The following PLD5 variants were observed in gnomAD, a reference collection of about 807,000 sequenced individuals.
The protein encoded by PLD5 is phospholipase D family member 5, also known as inactive phospholipase D5.
Under a neutral mutation model 61.1 loss-of-function variants are expected in PLD5, and 36 were observed. The ratio of observed to expected loss-of-function variants is 0.59; its 90% CI spans 0.45 to 0.78. PLD5 has a LOEUF of 0.78. PLD5 is among the 30% of genes least tolerant of loss of function. PLD5 has a pLI of 0.00. For missense variants in PLD5, 515 were observed against 644.4 expected (o/e 0.80, Z 2.17); for synonymous variants, 243 against 242.8 (o/e 1.00, Z -0.01).
intron 4 of PLD5, among the ~76,000 whole-genome samples, chr1:242,263,630 T>C (rs1429417080): frequency 6.6e-6 from 1 of 152,106 alleles, no homozygotes; most frequent in Non-Finnish European, 1.5e-5. Context: ...TTTACTCCTA[T>C]GAAGGAAAAT....
At chr1:242,523,415 C>A (rs1367271324) in intron 1 of PLD5, among the ~76,000 whole-genome samples, 2 of 151,794 alleles carry the variant, frequency 1.3e-5, no homozygotes, top group Admixed American at 6.6e-5. Context: ...CGCGTGAAGT[C>A]GGCACTCCTT....
In PLD5 at chr1:242,191,606, G is replaced by A. The variant is rs531418029; in HGVS notation, c.735+28382C>T. Among the ~76,000 whole-genome samples, 403 of 152,034 alleles carry A rather than the reference G, an allele frequency of 2.7e-3. 4 individuals carry two copies. The highest frequency in any genetic ancestry group is 4.3e-3 in the Non-Finnish European group (290 of 67,956). ...GTCTCGAGAAAAAAGAAAGAAAAAC[G>A]AAGGAAAGAGGAAAAAACTCTGCAG... is the stretch of plus-strand genomic sequence containing the variant. On this transcript the variant is annotated intron_variant, in intron 5 of 9. Coordinates refer to ENST00000536534, the MANE Select transcript of PLD5 (RefSeq NM_001372062.1).
intron 1 of PLD5, among the ~76,000 whole-genome samples, chr1:242,480,427 G>A (rs1300669688): frequency 6.6e-6 from 1 of 152,066 alleles, no homozygotes; most frequent in Non-Finnish European, 1.5e-5. Context: ...CATTGAAGGA[G>A]CAACTTTGGG....
At chr1:242,247,004 G>A (rs1574604209) in intron 4 of PLD5, among the ~76,000 whole-genome samples, 2 of 136,136 alleles carry the variant, frequency 1.5e-5, no homozygotes, top group Admixed American at 1.5e-4. Context: ...TTTTTTTTGA[G>A]ACGGAGTTTC....
rs928558775 is a variant in PLD5 at position 242,182,907 on chromosome 1, G to A, written c.735+37081C>T. Among the ~76,000 whole-genome samples, 9 of 152,142 alleles carry A rather than the reference G, an allele frequency of 5.9e-5. No individual in the cohort carries two copies. In the East Asian group the frequency reaches 1.7e-3, roughly 29 times the overall value. On this transcript the variant is annotated intron_variant, in intron 5 of 9. Transcript: ENST00000536534. ...CAATCATAGTACCATCTAAAGAAAA[G>A]GAATGGTGGAGGTTTGAGTTCATGT... is the stretch of plus-strand genomic sequence containing the variant.
chr1:242,520,131 T>C (rs1488422434), intron 1 of PLD5, among the ~76,000 whole-genome samples: 1 of 152,130 alleles, frequency 6.6e-6, no homozygotes, highest in Non-Finnish European at 1.5e-5. Context: ...CCAATACACA[T>C]GAGTCATATG....
chr1:242,184,252 G>GC (rs1667728852), intron 5 of PLD5, among the ~76,000 whole-genome samples: 1 of 152,166 alleles, frequency 6.6e-6, no homozygotes, highest in Admixed American at 6.5e-5. Flanking sequence ...GGTGACCAGA[G>GC]CAACAAATTT....
intron 1 of PLD5, among the ~76,000 whole-genome samples, chr1:242,353,629 A>G (rs1160017773): frequency 6.6e-6 from 1 of 152,094 alleles, no homozygotes; most frequent in Non-Finnish European, 1.5e-5. Flanking sequence ...AATTCTTACA[A>G]TATCTATTCA....
chr1:242,287,685 T>G (rs1490465157), intron 3 of PLD5, among the ~76,000 whole-genome samples: 1 of 152,168 alleles, frequency 6.6e-6, no homozygotes, highest in Non-Finnish European at 1.5e-5. Flanking sequence ...TAGGGTAGCT[T>G]AATGTAAACT....
At chr1:242,323,084 A>G (rs1178230316) in intron 2 of PLD5, among the ~76,000 whole-genome samples, 1 of 152,216 alleles carries the variant, frequency 6.6e-6, no homozygotes. Flanking sequence ...TAAGACTACA[A>G]TAAATTATTA....
At chr1:242,372,674 C>G (rs1410750077) in intron 1 of PLD5, among the ~76,000 whole-genome samples, 3 of 152,160 alleles carry the variant, frequency 2.0e-5, no homozygotes, top group East Asian at 1.9e-4. Context: ...ACAAACCTGA[C>G]AAAAACAAGA....
chr1:242,500,166 C>G (rs1279514389), intron 1 of PLD5, among the ~76,000 whole-genome samples: 1 of 152,134 alleles, frequency 6.6e-6, no homozygotes, highest in Non-Finnish European at 1.5e-5. Context: ...GTCATAGGGC[C>G]AGCCAGTTTC....
intron 1 of PLD5, among the ~76,000 whole-genome samples, chr1:242,354,065 T>A (rs1282533159): frequency 2.6e-5 from 4 of 151,948 alleles, no homozygotes; most frequent in Non-Finnish European, 5.9e-5. Context: ...CCAGGAAGAC[T>A]TACTTCCTGG....
chr1:242,276,170 C>T (rs1379091379), intron 3 of PLD5, among the ~76,000 whole-genome samples: 5 of 151,208 alleles, frequency 3.3e-5, no homozygotes, highest in East Asian at 2.0e-4. Flanking sequence ...AGACACATTT[C>T]TAAAAATATT....
chr1:242,174,781 C>T (rs1193729551), intron 5 of PLD5, among the ~76,000 whole-genome samples: 2 of 151,942 alleles, frequency 1.3e-5, no homozygotes, highest in Admixed American at 6.6e-5. Context: ...CCATCATTCT[C>T]AGCAAACTAT....
chr1:242,202,920 T>C (rs1669072896), intron 5 of PLD5, among the ~76,000 whole-genome samples: 1 of 151,882 alleles, frequency 6.6e-6, no homozygotes, highest in African/African-American at 2.4e-5. Context: ...ATGCCAGGTG[T>C]GAGAGGGGGT....
At chr1:242,399,684 C>T (rs1663811499) in intron 1 of PLD5, among the ~76,000 whole-genome samples, 2 of 152,006 alleles carry the variant, frequency 1.3e-5, no homozygotes, top group Admixed American at 1.3e-4. Context: ...TCCCCAATCC[C>T]CGGGCTGCAA....
chr1:242,198,065 C>A (rs955812891), intron 5 of PLD5, among the ~76,000 whole-genome samples: 4 of 129,624 alleles, frequency 3.1e-5, no homozygotes, highest in Non-Finnish European at 6.5e-5. Flanking sequence ...CTAAACAAAT[C>A]CTTGCTGAAT....
chr1:242,428,174 A>C (rs1665534071), intron 1 of PLD5, among the ~76,000 whole-genome samples: 1 of 152,224 alleles, frequency 6.6e-6, no homozygotes, highest in Non-Finnish European at 1.5e-5. Context: ...TCCTCCAAGA[A>C]ACAACTATTT....
Sources: allele counts gnomAD v4.1 joint callset (sites outside exome capture counted in the v4.1 genomes callset), GRCh38; gene constraint gnomAD v4.1.1; transcripts MANE v1.5; gene names NCBI Gene and HGNC (gene_info 2026-07-23, HGNC 2026-07-21).